Variants in MMP13 observed in about 807,000 individuals in gnomAD.
MMP13 encodes matrix metallopeptidase 13, also known as collagenase 3.
In MMP13, 45 loss-of-function variants were observed where a neutral mutation model predicts 52.1. The observed-to-expected ratio is 0.86, with a 90% CI of 0.68 to 1.11. The LOEUF (loss-of-function observed/expected upper bound fraction) is 1.11, where lower values mean the gene tolerates loss of function less well. MMP13 is among the 50% of genes least tolerant of loss of function. The pLI is 0.00. For missense variants in MMP13, 576 were observed against 583.8 expected (o/e 0.99, Z 0.14); for synonymous variants, 200 against 204.4 (o/e 0.98, Z 0.18).
At chr11:102,945,120 T>G in intron 9 of MMP13, 1 of 346,344 alleles carries the variant, frequency 2.9e-6, no homozygotes. Flanking sequence ...GGCAGGCACC[T>G]GTAATCCCAG....
At chr11:102,951,900 G>A (rs782000433) in intron 5 of MMP13, 112 bp downstream of exon 5, 17 of 1,096,804 alleles carry the variant, frequency 1.5e-5, no homozygotes, top group East Asian at 1.4e-4. Context: ...TCATGCATGC[G>A]CTTCACTGTA....
chr11:102,951,272 G>T (rs1297129140), intron 5 of MMP13, among the ~76,000 whole-genome samples: 2 of 152,098 alleles, frequency 1.3e-5, no homozygotes, highest in African/African-American at 4.8e-5. Flanking sequence ...AGAGTACTTG[G>T]AATTTCTAAA....
intron 8 of MMP13, 73 bp from the exon 9 acceptor site, chr11:102,945,822 C>T (rs980373775): frequency 2.6e-6 from 2 of 772,952 alleles, no homozygotes; most frequent in Non-Finnish European, 4.3e-6. Context: ...ACAATAGATA[C>T]AATGGCATCT....
intron 8 of MMP13, among the ~76,000 whole-genome samples, chr11:102,947,366 C>T (rs762539431): frequency 6.6e-6 from 1 of 152,094 alleles, no homozygotes; most frequent in Non-Finnish European, 1.5e-5. Context: ...TGCTGGAAGC[C>T]AGGAGCCTGA....
chr11:102,947,771 G>T, intron 8 of MMP13, 120 bp downstream of exon 8: 1 of 1,166,866 alleles, frequency 8.6e-7, no homozygotes, highest in Non-Finnish European at 1.3e-6. Flanking sequence ...GACATGGAAT[G>T]AAAATGAATG....
intron 8 of MMP13, 126 bp from the exon 9 acceptor site, chr11:102,945,875 G>T (rs988963337): frequency 1.7e-6 from 1 of 599,062 alleles, no homozygotes; most frequent in Admixed American, 2.9e-5. Flanking sequence ...TCCATTTAAA[G>T]CATCTGGTAG....
intron 7 of MMP13, 116 bp from the exon 8 acceptor site, chr11:102,948,166 T>TTC: frequency 2.5e-6 from 2 of 811,780 alleles, no homozygotes; most frequent in Non-Finnish European, 3.9e-6. Context: ...AATAAAATAT[T>TTC]TAGTATTTAC....
rs1860685266 is a variant in MMP13, at chr11:102,955,567, G to A, written c.120+19C>T. 1 of 1,613,918 alleles carries A rather than the reference G, an allele frequency of 6.2e-7. No individual in the cohort carries two copies. The highest frequency in any genetic ancestry group is 8.5e-7 in the Non-Finnish European group (1 of 1,179,884). ...TGAGATGTACCAACCGCATCATCAGGATTGGCAAGATACTCTACCTCTGCA... is the reference window on the plus strand; with the variant it reads ...TGAGATGTACCAACCGCATCATCAGAATTGGCAAGATACTCTACCTCTGCA... On this transcript the variant is annotated intron_variant, in intron 1 of 9. Coordinates refer to ENST00000260302, the MANE Select transcript of MMP13 (RefSeq NM_002427.4). The surrounding 1 kb of genome is among the most constrained non-coding windows in gnomAD (Gnocchi z 4.9).
Position 102,955,230 on chromosome 11 carries a change from A to G in MMP13, c.362+22T>C, listed in dbSNP as rs1860676948. ...ACAAGAAAAGGCTAACAAATATGAA[A>G]GAAAGATAGCCTATGATTTACCTGT... On this transcript the variant is annotated intron_variant, in intron 2 of 9. Coordinates refer to ENST00000260302, the MANE Select transcript of MMP13 (RefSeq NM_002427.4). This position sits in a 1 kb window ranked among gnomAD's most constrained non-coding sequence, Gnocchi z 4.9. 6.2e-7 allele frequency: 1 copy of G among 1,612,406 alleles called. No individual in the cohort carries two copies.
intron 5 of MMP13, among the ~76,000 whole-genome samples, chr11:102,951,145 T>TG (rs35461672): frequency 0.085 from 12,843 of 151,652 alleles, 708 homozygotes; most frequent in South Asian, 0.22. Flanking sequence ...ATTGAAAACT[T>TG]GGGGGGGGAA....
intron 7 of MMP13, 115 bp downstream of exon 7, chr11:102,948,910 G>T: frequency 2.2e-6 from 3 of 1,390,132 alleles, no homozygotes; most frequent in Non-Finnish European, 3.0e-6. Flanking sequence ...TTTAATACTT[G>T]GTCTTTAATT....
Position 102,952,293 on chromosome 11 carries a change from T to C in MMP13, c.638-120A>G. 9.3e-7 allele frequency: 1 copy of C among 1,078,534 alleles called. No homozygotes were observed. Among genetic ancestry groups the C allele is most frequent in the South Asian group, 1.3e-5 (1 of 74,346 alleles). 66.8% of individuals were successfully genotyped at this position (1,078,534 alleles called of 1,614,324 possible). A position where few individuals can be genotyped will look rare whatever the true frequency, so the allele number is the denominator to read the frequency against. Reference sequence around the variant, plus strand: ...TTGGCTATATACTTTCTTTTCTCTTTCTTCAGTCTCCTACTTTTTAAAATC... The same window carrying C: ...TTGGCTATATACTTTCTTTTCTCTTCCTTCAGTCTCCTACTTTTTAAAATC... On this transcript the variant is annotated intron_variant, in intron 4 of 9. Transcript: ENST00000260302. The surrounding 1 kb of genome is among the most constrained non-coding windows in gnomAD (Gnocchi z 4.3).
At chr11:102,953,293 A>G (rs181524495) in intron 4 of MMP13, among the ~76,000 whole-genome samples, 8 of 152,344 alleles carry the variant, frequency 5.3e-5, no homozygotes, top group Admixed American at 1.3e-4. Context: ...CTTACCTGTG[A>G]AATACCCAGA....
intron 4 of MMP13, among the ~76,000 whole-genome samples, chr11:102,953,023 C>A (rs962779586): frequency 2.6e-5 from 4 of 152,178 alleles, no homozygotes; most frequent in Admixed American, 1.3e-4. Flanking sequence ...GAAAATGAAC[C>A]ATCCTAGCAA....
In MMP13 at chr11:102,949,165, C is replaced by G; in HGVS notation, c.918-7G>C. Reference sequence around the variant, plus strand: ...ATGCAGGCGCCAGAAGAATCTAACACAAAAGTAAAATGGAGTTTTCTGTCA... The same window carrying G: ...ATGCAGGCGCCAGAAGAATCTAACAGAAAAGTAAAATGGAGTTTTCTGTCA... On this transcript the variant is annotated splice_polypyrimidine_tract_variant and splice_region_variant and intron_variant, in intron 6 of 9. Coordinates refer to ENST00000260302, the MANE Select transcript of MMP13 (RefSeq NM_002427.4). The surrounding 1 kb of genome is among the most constrained non-coding windows in gnomAD (Gnocchi z 4.2). 1 of 1,613,204 alleles carries G rather than the reference C, an allele frequency of 6.2e-7. No individual in the cohort carries two copies. The highest frequency in any genetic ancestry group is 8.5e-7 in the Non-Finnish European group (1 of 1,179,668).
In MMP13 at chr11:102,945,732, T is replaced by C. The variant is rs1860495522; in HGVS notation, c.1229A>G (p.His410Arg). The part of the protein sequence containing the change: ...NQVWRYDDTN[H>R]IMDKDYPRLI... ...TCTCGGATAGTCTTTATCCATAATA[T>C]GGTTAGTATCATCATATCTATTTAA... Residue 410 changes from histidine to arginine, a missense_variant, in exon 9 of 10, where the codon CAT (histidine) becomes CGT (arginine). Transcript: ENST00000260302. 1 of 1,579,554 alleles carries C rather than the reference T, an allele frequency of 6.3e-7. No homozygotes were observed. The highest frequency in any genetic ancestry group is 8.7e-7 in the Non-Finnish European group (1 of 1,150,340).
chr11:102,947,273 AAGATT>A (rs1236854987), intron 8 of MMP13, among the ~76,000 whole-genome samples: 1 of 152,188 alleles, frequency 6.6e-6, no homozygotes, highest in African/African-American at 2.4e-5. Context: ...ATACAGGAGA[AAGATT>A]AGAAAGAGAA....
At chr11:102,947,787 T>C in intron 8 of MMP13, 104 bp downstream of exon 8, 3 of 1,289,290 alleles carry the variant, frequency 2.3e-6, no homozygotes, top group South Asian at 1.2e-5. Flanking sequence ...GAATGACTAG[T>C]ATGACATTTA....
Position 102,954,297 on chromosome 11 carries a change from A to C in MMP13, c.512-16T>G, listed in dbSNP as rs1860658749. 1 of 1,613,514 alleles carries C rather than the reference A, an allele frequency of 6.2e-7. No homozygotes were observed. Among genetic ancestry groups the C allele is most frequent in the African/African-American group, 1.3e-5 (1 of 74,900 alleles). On this transcript the variant is annotated splice_polypyrimidine_tract_variant and intron_variant, in intron 3 of 9. Coordinates refer to ENST00000260302, the MANE Select transcript of MMP13 (RefSeq NM_002427.4). ...TCGCCATGCTCTACACACAAAAGCA[A>C]GGGTTAGGAGTCTTATCACATCCAG...
Sources: allele counts gnomAD v4.1 joint callset (sites outside exome capture counted in the v4.1 genomes callset), GRCh38; gene constraint gnomAD v4.1.1; non-coding constraint Gnocchi (gnomAD v3.1); transcripts MANE v1.5; gene names NCBI Gene and HGNC (gene_info 2026-07-23, HGNC 2026-07-21).